Variants in NLK observed in about 807,000 individuals in gnomAD.
NLK encodes serine/threonine-protein kinase NLK.
A neutral mutation model predicts 59.0 loss-of-function variants in NLK; 11 were observed. That is an observed-to-expected ratio of 0.19 (90% CI 0.12 to 0.31). The LOEUF is 0.31. Among genes scored for constraint, NLK ranks in the 10% least tolerant of loss-of-function variants. NLK has a pLI of 1.00. For synonymous variants in NLK, 235 were observed against 235.9 expected (o/e 1.00, Z 0.03); for missense variants, 410 against 661.1 (o/e 0.62, Z 4.16).
intron 6 of NLK, among the ~76,000 whole-genome samples, chr17:28,169,032 C>A (rs1400470008): frequency 6.6e-6 from 1 of 151,790 alleles, no homozygotes; most frequent in African/African-American, 2.4e-5. Flanking sequence ...ATTACAGGCA[C>A]GCTCCACCAC....
At chr17:28,164,397 G>GAAC in intron 5 of NLK, among the ~76,000 whole-genome samples, 1 of 148,800 alleles carries the variant, frequency 6.7e-6, no homozygotes. Context: ...AAGTGAAAAT[G>GAAC]CCAAACCAGA....
intron 1 of NLK, among the ~76,000 whole-genome samples, chr17:28,100,198 G>A (rs906829664): frequency 7.2e-5 from 11 of 152,118 alleles, no homozygotes; most frequent in African/African-American, 2.4e-4. Flanking sequence ...AAATACTTAG[G>A]AATGGAATTT....
chr17:28,060,908 A>G (rs758040240), intron 1 of NLK, among the ~76,000 whole-genome samples: 4 of 152,228 alleles, frequency 2.6e-5, no homozygotes, highest in Non-Finnish European at 5.9e-5. Context: ...AGATATATTT[A>G]TAAGGATGTT....
chr17:28,050,759 A>G (rs1444579672), intron 1 of NLK, among the ~76,000 whole-genome samples: 1 of 152,178 alleles, frequency 6.6e-6, no homozygotes, highest in Non-Finnish European at 1.5e-5. Context: ...TTGACAATCT[A>G]AGTATGGCAG....
downstream of NLK, among the ~76,000 whole-genome samples, chr17:28,200,673 G>A (rs889475318): frequency 1.3e-5 from 2 of 152,112 alleles, no homozygotes; most frequent in Admixed American, 6.5e-5. Flanking sequence ...TTGTAAAGGC[G>A]GGGTTTCACC....
intron 1 of NLK, among the ~76,000 whole-genome samples, chr17:28,111,676 G>A (rs1326603116): frequency 6.6e-6 from 1 of 152,086 alleles, no homozygotes; most frequent in Admixed American, 6.5e-5. Context: ...GACACGTGCA[G>A]ACTTAATGTG....
intron 2 of NLK, among the ~76,000 whole-genome samples, chr17:28,129,483 AT>A (rs1906427473): frequency 6.6e-6 from 1 of 152,114 alleles, no homozygotes; most frequent in Non-Finnish European, 1.5e-5. Context: ...AAAATGTCTA[AT>A]TTCTTAACCT....
chr17:28,054,027 T>C (rs1909355063), intron 1 of NLK, among the ~76,000 whole-genome samples: 4 of 152,228 alleles, frequency 2.6e-5, no homozygotes. Flanking sequence ...CTTTTCTAAT[T>C]TTTTAAAATA....
At chr17:28,089,710 G>T (rs1000986204) in intron 1 of NLK, among the ~76,000 whole-genome samples, 1 of 151,964 alleles carries the variant, frequency 6.6e-6, no homozygotes, top group South Asian at 2.1e-4. Flanking sequence ...CAGTACCTCC[G>T]TATCACTGCT....
At chr17:28,183,804 GATA>G (rs1909009617) in intron 7 of NLK, among the ~76,000 whole-genome samples, 1 of 152,102 alleles carries the variant, frequency 6.6e-6, no homozygotes, top group Non-Finnish European at 1.5e-5. Flanking sequence ...AAGTCAAGCC[GATA>G]ATAATTTGGC....
chr17:28,143,267 C>T lies in NLK; in HGVS notation c.644+10592C>T, dbSNP rs112971426. Among the ~76,000 whole-genome samples the T allele has an allele frequency of 2.7e-3, 413 of 152,184 alleles. 4 individuals are homozygous for T. Among genetic ancestry groups the T allele is most frequent in the African/African-American group, 9.2e-3 (382 of 41,520 alleles). On this transcript the variant is annotated intron_variant, in intron 3 of 10. Transcript: ENST00000407008. ...CCATGTTGGCCAGGATGGTCTCGCTCTCCTGACCTCATGATCCGCCCGCCT... is the reference window on the plus strand; with the variant it reads ...CCATGTTGGCCAGGATGGTCTCGCTTTCCTGACCTCATGATCCGCCCGCCT...
intron 5 of NLK, among the ~76,000 whole-genome samples, chr17:28,164,472 C>T (rs1908140678): frequency 6.6e-6 from 1 of 151,974 alleles, no homozygotes; most frequent in Non-Finnish European, 1.5e-5. Flanking sequence ...TTAATTATTC[C>T]TCTGAAGAGG....
the NLK span, among the ~76,000 whole-genome samples, chr17:28,203,239 G>A: frequency 6.8e-5 from 10 of 147,516 alleles, no homozygotes; most frequent in African/African-American, 2.6e-4. Flanking sequence ...CCTGCTCCTG[G>A]CCACAAGTGA....
At chr17:28,104,657 C>T (rs925452591) in intron 1 of NLK, among the ~76,000 whole-genome samples, 1 of 152,028 alleles carries the variant, frequency 6.6e-6, no homozygotes, top group African/African-American at 2.4e-5. Flanking sequence ...TGGTTAGTTT[C>T]ATCCTTCTTA....
intron 1 of NLK, among the ~76,000 whole-genome samples, chr17:28,100,038 G>A (rs903940139): frequency 6.6e-6 from 1 of 152,054 alleles, no homozygotes; most frequent in African/African-American, 2.4e-5. Flanking sequence ...CAAAGTTTTG[G>A]CTTTTATGAA....
At chr17:28,158,404 G>A (rs1229251641) in intron 3 of NLK, among the ~76,000 whole-genome samples, 1 of 152,166 alleles carries the variant, frequency 6.6e-6, no homozygotes, top group Admixed American at 6.5e-5. Flanking sequence ...TCAGTGAGTG[G>A]TGAGTGAATT....
intron 3 of NLK, among the ~76,000 whole-genome samples, chr17:28,138,407 C>T (rs1217931401): frequency 6.6e-6 from 1 of 152,102 alleles, no homozygotes; most frequent in African/African-American, 2.4e-5. Context: ...TGTTCTGGCG[C>T]AATTATTGTG....
chr17:28,172,820 C>T (rs1247818205), intron 7 of NLK, among the ~76,000 whole-genome samples: 1 of 151,856 alleles, frequency 6.6e-6, no homozygotes, highest in Non-Finnish European at 1.5e-5. Flanking sequence ...GGAGAAAGTG[C>T]GTGTTTGTGT....
downstream of NLK, among the ~76,000 whole-genome samples, chr17:28,197,998 G>A (rs1318144187): frequency 6.6e-6 from 1 of 152,128 alleles, no homozygotes; most frequent in Non-Finnish European, 1.5e-5. Context: ...TGAACACATG[G>A]GGGAAACTAA....
Sources: gnomAD v4.1 joint callset for allele counts (sites outside exome capture counted in the v4.1 genomes callset) on GRCh38, gnomAD v4.1.1 for gene constraint, MANE v1.5 for transcripts, NCBI Gene and HGNC (gene_info 2026-07-23, HGNC 2026-07-21) for gene names.